Variants in RABL2B observed in about 807,000 individuals in gnomAD.
RABL2B encodes rab-like protein 2B.
A neutral mutation model predicts 26.7 loss-of-function variants in RABL2B; 17 were observed. That is an observed-to-expected ratio of 0.64 (90% confidence interval 0.44 to 0.95). The LOEUF (loss-of-function observed/expected upper bound fraction) is 0.95. RABL2B is among the 40% of genes least tolerant of loss of function. RABL2B has a pLI of 0.00. For synonymous variants in RABL2B, 70 were observed against 103.9 expected (o/e 0.67, Z 1.99); for missense variants, 170 against 277.2 (o/e 0.61, Z 2.75).
intron 5 of RABL2B, among the ~76,000 whole-genome samples, chr22:50,774,829 G>A (rs1413953371): frequency 6.6e-6 from 1 of 151,954 alleles, no homozygotes; most frequent in Non-Finnish European, 1.5e-5. Context: ...CCAGGCTGGA[G>A]TGCAATGGTG....
intron 7 of RABL2B, 75 bp from the exon 8 acceptor site, chr22:50,769,199 G>A: frequency 1.7e-6 from 1 of 594,056 alleles, no homozygotes; most frequent in Middle Eastern, 4.5e-4. Context: ...CCCACTGTGA[G>A]ACTACACAAT....
Position 50,767,813 on chromosome 22 carries a change from T to A in RABL2B, c.*963A>T. The A allele has an allele frequency of 2.2e-6, 1 of 449,604 alleles. No homozygotes were observed. The highest frequency in any genetic ancestry group is 1.6e-5 in the South Asian group (1 of 63,574). 27.9% of individuals were successfully genotyped at this position (449,604 alleles called of 1,614,324 possible). Reference sequence around the variant, plus strand: ...TTGTGGTATGGCTGTAAGGACTCGATTTTACGGCTTGTGTATTCCTAACTA... The same window carrying A: ...TTGTGGTATGGCTGTAAGGACTCGAATTTACGGCTTGTGTATTCCTAACTA... On this transcript the variant is annotated 3_prime_UTR_variant, in exon 9 of 9. Coordinates refer to ENST00000691320, the MANE Select transcript of RABL2B (RefSeq NM_001130919.3).
intron 2 of RABL2B, among the ~76,000 whole-genome samples, chr22:50,780,012 G>A (rs1332796050): frequency 1.3e-5 from 2 of 152,078 alleles, no homozygotes; most frequent in African/African-American, 4.8e-5. Flanking sequence ...TTGTTATTAA[G>A]CAGTATGATC....
chr22:50,769,648 G>A, intron 6 of RABL2B, 96 bp from the exon 7 acceptor site: 12 of 1,575,446 alleles, frequency 7.6e-6, no homozygotes, highest in Admixed American at 5.1e-5. Flanking sequence ...CAGAAAGTGG[G>A]ATAGGCAGGG....
chr22:50,781,233 ACTCGCAAGG>A (rs1164621096), intron 2 of RABL2B, among the ~76,000 whole-genome samples: 3 of 151,234 alleles, frequency 2.0e-5, no homozygotes, highest in African/African-American at 7.3e-5. Flanking sequence ...AGTCCTAGCT[ACTCGCAAGG>A]CTGTGGCAGG....
rs1411915980 is a variant in RABL2B at position 50,772,602 on chromosome 22, T to C, written c.298-2586A>G. 10 of 1,008,134 alleles carry C rather than the reference T, an allele frequency of 9.9e-6. No homozygotes were observed. In the East Asian group the frequency reaches 2.8e-4, roughly 28 times the overall value. 62.4% of individuals were successfully genotyped at this position (1,008,134 alleles called of 1,614,324 possible). ...AAGCAACACGGTTCAAGCTCAGGGCTAGGGGCTCGCCCTGTGTGGTGGCGG... is the reference window on the plus strand; with the variant it reads ...AAGCAACACGGTTCAAGCTCAGGGCCAGGGGCTCGCCCTGTGTGGTGGCGG... On this transcript the variant is annotated intron_variant, in intron 5 of 8. Transcript: ENST00000691320.
intron 2 of RABL2B, chr22:50,780,517 C>A (rs1215800421): frequency 2.7e-5 from 10 of 364,236 alleles, no homozygotes; most frequent in Non-Finnish European, 5.6e-5. Context: ...GTGTTTTAGC[C>A]CAACTGAGTT....
chr22:50,778,050 C>G lies in RABL2B; in HGVS notation c.108-69G>C, dbSNP rs1311713613. On this transcript the variant is annotated intron_variant, in intron 2 of 8. Transcript: ENST00000691320. ...CTCCCTCGTCCCAGACTTTTTCACC[C>G]TAAGGCTGACAACCTGGAAGCCACC... 5 of 1,612,832 alleles carry G rather than the reference C, an allele frequency of 3.1e-6. No homozygotes were observed. In the African/African-American group the frequency reaches 4.0e-5, roughly 13 times the overall value.
At chr22:50,774,661 G>T (rs1158316858) in intron 5 of RABL2B, among the ~76,000 whole-genome samples, 1 of 150,248 alleles carries the variant, frequency 6.7e-6, no homozygotes, top group Non-Finnish European at 1.5e-5. Flanking sequence ...GCAAGACCTT[G>T]AATGCTATTC....
At chr22:50,776,497 C>T (rs574661855) in intron 4 of RABL2B, among the ~76,000 whole-genome samples, 173 bp downstream of exon 4, 1 of 152,352 alleles carries the variant, frequency 6.6e-6, no homozygotes, top group East Asian at 1.9e-4. Flanking sequence ...CTGCATGCCC[C>T]CTTCCACCCT....
chr22:50,773,893 G>A (rs2084562120), intron 5 of RABL2B, among the ~76,000 whole-genome samples: 2 of 151,190 alleles, frequency 1.3e-5, no homozygotes, highest in African/African-American at 4.9e-5. Context: ...GGGTGCCATG[G>A]CAGACTTTAT....
intron 5 of RABL2B, chr22:50,771,767 C>G (rs1555918927): frequency 6.6e-6 from 1 of 151,628 alleles, no homozygotes; most frequent in Non-Finnish European, 1.5e-5. Context: ...TGCCACCATG[C>G]CTGGCTAATT....
At chr22:50,770,953 G>C (rs1164546116) in intron 5 of RABL2B, among the ~76,000 whole-genome samples, 5 of 149,186 alleles carry the variant, frequency 3.4e-5, no homozygotes, top group Non-Finnish European at 7.4e-5. Context: ...TGTTACCCAG[G>C]CTCATCTCAA....
chr22:50,776,885 A>G, intron 3 of RABL2B, 136 bp from the exon 4 acceptor site: 2 of 1,457,112 alleles, frequency 1.4e-6, no homozygotes, highest in Non-Finnish European at 1.8e-6. Flanking sequence ...AATCAAATGA[A>G]TGTTGCAGAC....
At position 50,767,793 on chromosome 22, in the gene RABL2B, G is replaced by A; in HGVS notation, c.*983C>T. On this transcript the variant is annotated 3_prime_UTR_variant, in exon 9 of 9. Transcript: ENST00000691320. ...GTAGTCCAAATGGACGTACCTTGTG[G>A]TATGGCTGTAAGGACTCGATTTTAC... The A allele has an allele frequency of 4.4e-6, 2 of 452,714 alleles. No individual in the cohort carries two copies. The highest frequency in any genetic ancestry group is 1.4e-4 in the East Asian group (2 of 14,320). The allele number at this position is 452,714 out of a possible 1,614,324, so 28.0% of individuals were successfully genotyped here. A position where few individuals can be genotyped will look rare whatever the true frequency, so the allele number is the denominator to read the frequency against.
chr22:50,780,744 C>T (rs782422398), intron 2 of RABL2B: 20 of 470,642 alleles, frequency 4.2e-5, no homozygotes, highest in Non-Finnish European at 7.9e-5. Context: ...TTATGGTAAT[C>T]TTTGACGTCA....
At chr22:50,772,210 G>A (rs1327266869) in intron 5 of RABL2B, 2 of 350,930 alleles carry the variant, frequency 5.7e-6, no homozygotes, top group East Asian at 1.7e-4. Flanking sequence ...TGTATTTCTA[G>A]TAGAGACGGG....
intron 2 of RABL2B, among the ~76,000 whole-genome samples, chr22:50,780,284 A>C (rs577420883): frequency 2.0e-5 from 3 of 151,956 alleles, no homozygotes; most frequent in Non-Finnish European, 4.4e-5. Context: ...TGGGGCTGCT[A>C]CTGTTGTAAA....
At chr22:50,781,130 G>A (rs1317337760) in intron 2 of RABL2B, among the ~76,000 whole-genome samples, 2 of 151,974 alleles carry the variant, frequency 1.3e-5, no homozygotes, top group African/African-American at 2.4e-5. Context: ...CACAAGGTCC[G>A]GAGATCAAGA....
Sources: allele counts gnomAD v4.1 joint callset (sites outside exome capture counted in the v4.1 genomes callset), GRCh38; gene constraint gnomAD v4.1.1; transcripts MANE v1.5; gene names NCBI Gene and HGNC (gene_info 2026-07-23, HGNC 2026-07-21).